The following SPATA24 variants were observed in gnomAD, a reference collection of about 807,000 sequenced individuals.
The protein encoded by SPATA24 is spermatogenesis-associated protein 24.
In SPATA24, 21 loss-of-function variants were observed where a neutral mutation model predicts 28.9. The observed-to-expected ratio is 0.73, with a 90% CI of 0.52 to 1.05. The LOEUF is 1.05. Ranked by LOEUF, SPATA24 falls within the 50% of genes least tolerant of loss-of-function variation. SPATA24 has a pLI of 0.00. For synonymous variants in SPATA24, 76 were observed against 89.9 expected (o/e 0.85, Z 0.88); for missense variants, 215 against 242.9 (o/e 0.88, Z 0.76).
At chr5:139,397,944 G>T (rs1758746435) in intron 4 of SPATA24, among the ~76,000 whole-genome samples, 1 of 152,218 alleles carries the variant, frequency 6.6e-6, no homozygotes, top group African/African-American at 2.4e-5. Flanking sequence ...AGGTCCACAA[G>T]GACAAGGATC....
chr5:139,396,133 C>A (rs1389659288), downstream of SPATA24: 3 of 982,058 alleles, frequency 3.1e-6, no homozygotes, highest in African/African-American at 3.5e-5. Flanking sequence ...GGCCTCAAAC[C>A]GACCCAGGAC....
At position 139,397,084 on chromosome 5, in the gene SPATA24, T is replaced by G; in HGVS notation, c.445A>C (p.Lys149Gln). ...TGGCTGATAACTTGCTGCAACTCTT[T>G]AATCTCATTCTCTTTGCCATTAAGT... Reference protein sequence around the residue: ...DILNGKENEIKELQQVISQQK... With the variant: ...DILNGKENEIQELQQVISQQK... The change falls in exon 5 of 6, where the codon AAA becomes CAA. Residue 149 changes from lysine (K) to glutamine (Q), a missense_variant. By Grantham distance (53) the Lys-to-Gln change is moderately conservative. Coordinates refer to ENST00000450845, the MANE Select transcript of SPATA24 (RefSeq NM_194296.2). 6.4e-7 allele frequency: 1 copy of G among 1,551,952 alleles called. No individual in the cohort carries two copies.
At chr5:139,392,681 G>C (rs771965262), downstream of SPATA24, 2 of 1,396,720 alleles carry the variant, frequency 1.4e-6, no homozygotes, top group Non-Finnish European at 1.9e-6. This position sits in a 1 kb window ranked among gnomAD's most constrained non-coding sequence, Gnocchi z 5.8. Context: ...GGGGAGCCGG[G>C]GCGGGGCGAT....
chr5:139,394,823 C>A (rs1187247414), downstream of SPATA24: 2 of 1,530,144 alleles, frequency 1.3e-6, no homozygotes, highest in South Asian at 1.2e-5. Flanking sequence ...CGCGGGAAAC[C>A]CGAGCCGGGC....
downstream of SPATA24, chr5:139,395,295 A>G (rs1758680803): frequency 2.3e-6 from 1 of 426,672 alleles, no homozygotes; most frequent in Admixed American, 4.5e-5. Context: ...CTTCTCAGGC[A>G]CAAGCCGGAG....
At chr5:139,399,023 CAA>C (rs1207151100) in intron 4 of SPATA24, among the ~76,000 whole-genome samples, 2 of 42,120 alleles carry the variant, frequency 4.7e-5, no homozygotes, top group Admixed American at 2.8e-4. Flanking sequence ...GATTCCGCTT[CAA>C]AAAAAAAAAA....
At chr5:139,403,653 C>T (rs1758868972) in intron 1 of SPATA24, among the ~76,000 whole-genome samples, 1 of 152,204 alleles carries the variant, frequency 6.6e-6, no homozygotes, top group Admixed American at 6.5e-5. Flanking sequence ...AACTCAGTGA[C>T]GTCATCTCCA....
downstream of SPATA24, chr5:139,396,458 T>C (rs1053384003): frequency 2.6e-6 from 3 of 1,140,406 alleles, no homozygotes; most frequent in African/African-American, 4.8e-5. Flanking sequence ...CCAAATTCCT[T>C]GTGGTTCTGG....
At chr5:139,393,056 G>GC, downstream of SPATA24, 6 of 1,532,036 alleles carry the variant, frequency 3.9e-6, no homozygotes, top group Non-Finnish European at 5.3e-6. Context: ...TAGTGAGCCG[G>GC]GGCGGGGGGC....
At chr5:139,393,318 C>T (rs1044219675), downstream of SPATA24, 6 of 1,550,814 alleles carry the variant, frequency 3.9e-6, no homozygotes, top group Admixed American at 5.9e-5. Context: ...TGCCGGGCGG[C>T]TCGGGTGCTG....
intron 4 of SPATA24, among the ~76,000 whole-genome samples, chr5:139,400,012 TG>T (rs1390808703): frequency 6.6e-6 from 1 of 152,130 alleles, no homozygotes; most frequent in African/African-American, 2.4e-5. Flanking sequence ...GTCTCGAGCA[TG>T]GGGGCAGTGA....
intron 4 of SPATA24, among the ~76,000 whole-genome samples, chr5:139,401,009 T>C (rs1369868030): frequency 6.6e-6 from 1 of 151,930 alleles, no homozygotes; most frequent in Non-Finnish European, 1.5e-5. Flanking sequence ...ATACAAAAAT[T>C]AGCCGGGCAT....
At chr5:139,398,524 G>C (rs2152078341) in intron 4 of SPATA24, among the ~76,000 whole-genome samples, 1 of 152,294 alleles carries the variant, frequency 6.6e-6, no homozygotes, top group African/African-American at 2.4e-5. Context: ...AATGAGCTAT[G>C]ACTGTGCCCC....
downstream of SPATA24, chr5:139,393,536 G>C: frequency 6.4e-7 from 1 of 1,551,272 alleles, no homozygotes; most frequent in Non-Finnish European, 8.7e-7. Flanking sequence ...TGGGGAGATG[G>C]GCCCCAAGTT....
chr5:139,402,603 G>A, intron 2 of SPATA24, 25 bp downstream of exon 2: 1 of 1,548,194 alleles, frequency 6.5e-7, no homozygotes, highest in Non-Finnish European at 8.7e-7. Context: ...GGGAAGATTA[G>A]GAGACCGCAG....
chr5:139,393,446 ACTC>A (rs1426904235), downstream of SPATA24: 1 of 1,551,158 alleles, frequency 6.4e-7, no homozygotes. Context: ...GGCGGTGCCA[ACTC>A]CTCCTGAGTT....
At chr5:139,396,742 G>GAGGCTAGT (rs1355603305), downstream of SPATA24, 1 of 1,551,022 alleles carries the variant, frequency 6.4e-7, no homozygotes, top group African/African-American at 1.4e-5. Context: ...GGGACTCCCA[G>GAGGCTAGT]AGCAGAGAAG....
downstream of SPATA24, chr5:139,396,563 A>C (rs538424879): frequency 9.0e-6 from 12 of 1,339,716 alleles, no homozygotes; most frequent in Non-Finnish European, 1.2e-5. Context: ...GGGGTGGAAT[A>C]TTACTGGGTA....
chr5:139,393,579 G>GA, downstream of SPATA24: 1 of 1,551,060 alleles, frequency 6.4e-7, no homozygotes. Flanking sequence ...CCCACGGGAA[G>GA]AAGGCCGGCG....
Sources: allele counts gnomAD v4.1 joint callset (sites outside exome capture counted in the v4.1 genomes callset), GRCh38; gene constraint gnomAD v4.1.1; non-coding constraint Gnocchi (gnomAD v3.1); transcripts MANE v1.5; gene names NCBI Gene and HGNC (gene_info 2026-07-23, HGNC 2026-07-21).